ZNF69: variants seen among roughly 807,000 people sequenced by gnomAD.
ZNF69 encodes the protein ZNF3.
Under a neutral mutation model 50.9 loss-of-function variants are expected in ZNF69, and 47 were observed. The observed-to-expected ratio is 0.92, with a 90% CI of 0.73 to 1.18. ZNF69 has a LOEUF of 1.18. ZNF69 is among the 50% of genes most tolerant of loss of function. The pLI, the probability that ZNF69 is intolerant of heterozygous loss-of-function variation, is 0.00. For synonymous variants in ZNF69, 216 were observed against 223.1 expected, an observed-to-expected ratio of 0.97 and a Z score of 0.29; for missense variants, 717 against 675.1, an observed-to-expected ratio of 1.06 and a Z score of -0.69.
the ZNF69 span, among the ~76,000 whole-genome samples, chr19:11,920,010 T>C: frequency 1.3e-5 from 2 of 152,182 alleles, no homozygotes; most frequent in African/African-American, 2.4e-5. Context: ...ACTTTTCCTC[T>C]TGGACCCATT....
chr19:11,976,805 G>T, the ZNF69 span: 3 of 1,246,056 alleles, frequency 2.4e-6, no homozygotes, highest in South Asian at 1.8e-5. Context: ...CATGAGCCAA[G>T]ATCGCATCAT....
At chr19:11,926,117 T>TC in the ZNF69 span, among the ~76,000 whole-genome samples, 105 of 152,326 alleles carry the variant, frequency 6.9e-4, no homozygotes, top group African/African-American at 2.5e-3. Flanking sequence ...CTTGATTCCA[T>TC]CCCAGCCAGA....
chr19:11,919,531 G>A, the ZNF69 span, among the ~76,000 whole-genome samples: 1 of 152,174 alleles, frequency 6.6e-6, no homozygotes, highest in South Asian at 2.1e-4. Context: ...GCCGAGGCAT[G>A]AGGATCCCTT....
At chr19:11,950,306 A>C in the ZNF69 span, 1 of 1,549,674 alleles carries the variant, frequency 6.5e-7, no homozygotes, top group Non-Finnish European at 8.8e-7. Flanking sequence ...AAGCACTATG[A>C]ATGCAAGCAA....
intron 1 of ZNF69, among the ~76,000 whole-genome samples, 164 bp from the exon 2 acceptor site, chr19:11,903,408 CA>C (rs902156937): frequency 6.6e-6 from 1 of 151,868 alleles, no homozygotes. Flanking sequence ...AAATCTGTCT[CA>C]AAAAAAAGAA....
At chr19:11,960,823 C>T in the ZNF69 span, among the ~76,000 whole-genome samples, 1 of 152,276 alleles carries the variant, frequency 6.6e-6, no homozygotes, top group Non-Finnish European at 1.5e-5. Context: ...ACAGCTACCT[C>T]GATGTCCCTT....
In ZNF69 at chr19:11,904,816, C is replaced by A. The variant is rs751729185; in HGVS notation, c.419C>A (p.Ser140Tyr). 1 of 1,613,872 alleles carries A rather than the reference C, an allele frequency of 6.2e-7. No individual in the cohort carries two copies. Among genetic ancestry groups the A allele is most frequent in the Non-Finnish European group, 8.5e-7 (1 of 1,179,990 alleles). ...VCGEVGLGNS[S>Y]FNMNIRGDIG... Reference sequence around the variant, plus strand: ...GGAGAAGTTGGCCTAGGTAACTCATCTTTTAATATGAACATCAGAGGTGAC... The same window carrying A: ...GGAGAAGTTGGCCTAGGTAACTCATATTTTAATATGAACATCAGAGGTGAC... The change falls in exon 4 of 4, where the codon TCT becomes TAT. Residue 140 changes from serine to tyrosine, a missense_variant. Physicochemically the swap from Ser to Tyr is moderately radical, Grantham distance 144. Transcript: ENST00000429654.
chr19:11,888,612 G>C (rs1046946056), intron 1 of ZNF69, among the ~76,000 whole-genome samples: 6 of 152,182 alleles, frequency 3.9e-5, no homozygotes, highest in Admixed American at 3.9e-4. Context: ...ATTTTAGAGA[G>C]ACAGGAATTG....
At chr19:11,911,124 T>C (rs1004476988), downstream of ZNF69, among the ~76,000 whole-genome samples, 12 of 152,080 alleles carry the variant, frequency 7.9e-5, no homozygotes, top group African/African-American at 2.9e-4. Flanking sequence ...CACAATGAAA[T>C]ACCATCTCAC....
At chr19:11,947,826 C>T in the ZNF69 span, among the ~76,000 whole-genome samples, 3 of 152,088 alleles carry the variant, frequency 2.0e-5, no homozygotes, top group African/African-American at 7.2e-5. Context: ...TGCAACATAA[C>T]GAGACCACAT....
At chr19:11,903,193 G>A (rs1039417311) in intron 1 of ZNF69, among the ~76,000 whole-genome samples, 1 of 151,978 alleles carries the variant, frequency 6.6e-6, no homozygotes. Flanking sequence ...CCAGCACTTT[G>A]GGAGGCTGAG....
chr19:11,963,088 A>AGAGAGAGAGAGTGTGTGTGTGTGT, the ZNF69 span, among the ~76,000 whole-genome samples: 2 of 138,242 alleles, frequency 1.4e-5, no homozygotes, highest in African/African-American at 6.1e-5. Context: ...AGAGAGAGAG[A>AGAGAGAGAGAGTGTGTGTGTGTGT]GTGTGTGTGT....
intron 1 of ZNF69, among the ~76,000 whole-genome samples, chr19:11,891,934 G>A (rs1977099127): frequency 1.3e-5 from 2 of 151,970 alleles, no homozygotes; most frequent in South Asian, 2.1e-4. Flanking sequence ...AAATATAATA[G>A]GATTGCATTT....
At chr19:11,898,056 G>T (rs1035344274) in intron 1 of ZNF69, among the ~76,000 whole-genome samples, 1 of 152,180 alleles carries the variant, frequency 6.6e-6, no homozygotes, top group East Asian at 1.9e-4. Context: ...ATACATAAAA[G>T]AATTGCACAA....
chr19:11,948,924 C>G, the ZNF69 span: 1 of 1,607,092 alleles, frequency 6.2e-7, no homozygotes, highest in Non-Finnish European at 8.5e-7. Flanking sequence ...AAAGAAGTCA[C>G]ATGGGAGAGA....
At chr19:11,962,574 T>G in the ZNF69 span, among the ~76,000 whole-genome samples, 1 of 151,294 alleles carries the variant, frequency 6.6e-6, no homozygotes, top group Non-Finnish European at 1.5e-5. Context: ...TTGCCCAGGC[T>G]GTTCTTGAAC....
At chr19:11,969,528 G>A in the ZNF69 span, among the ~76,000 whole-genome samples, 262 of 152,278 alleles carry the variant, frequency 1.7e-3, 4 homozygotes, top group African/African-American at 5.9e-3. Flanking sequence ...TAATTTTCAC[G>A]AGTTGTATTT....
chr19:11,937,890 T>G, the ZNF69 span, among the ~76,000 whole-genome samples: 1 of 152,204 alleles, frequency 6.6e-6, no homozygotes, highest in Non-Finnish European at 1.5e-5. Flanking sequence ...TTAACCCATT[T>G]ATGCTGGAGA....
chr19:11,974,126 T>TTTCTTTCTTTC, the ZNF69 span, among the ~76,000 whole-genome samples: 6 of 55,088 alleles, frequency 1.1e-4, no homozygotes, highest in East Asian at 7.0e-4. Context: ...TCTTTCTTTC[T>TTTCTTTCTTTC]TTTCTTTCTT....
Sources: allele counts gnomAD v4.1 joint callset (sites outside exome capture counted in the v4.1 genomes callset), GRCh38; gene constraint gnomAD v4.1.1; transcripts MANE v1.5; gene names NCBI Gene and HGNC (gene_info 2026-07-23, HGNC 2026-07-21).